The following ODF2L variants were observed in gnomAD, a reference collection of about 807,000 sequenced individuals.
The protein encoded by ODF2L is protein BCAP.
ODF2L carries 76 observed loss-of-function variants against 86.3 expected under a neutral mutation model. That is an observed-to-expected ratio of 0.88 (90% CI 0.73 to 1.07). ODF2L has a LOEUF of 1.07. Ranked by LOEUF, ODF2L falls within the 50% of genes least tolerant of loss-of-function variation. The pLI, the probability that ODF2L is intolerant of heterozygous loss-of-function variation, is 0.00. For synonymous variants in ODF2L, 241 were observed against 231.3 expected (o/e 1.04, Z -0.38); for missense variants, 748 against 717.4 (o/e 1.04, Z -0.49).
At chr1:86,359,519 CTTTT>C (rs5775904) in intron 12 of ODF2L, among the ~76,000 whole-genome samples, 3 of 95,112 alleles carry the variant, frequency 3.2e-5, no homozygotes, top group Non-Finnish European at 4.2e-5. Flanking sequence ...TTAGTTCATT[CTTTT>C]TTTTTTTTTT....
chr1:86,376,250 A>C (rs758521574), exon 8 of ODF2L: 1 of 1,608,134 alleles, frequency 6.2e-7, no homozygotes, highest in Non-Finnish European at 8.5e-7. Context: ...CTAATTTGGG[A>C]AGTAAGCTTT....
intron 8 of ODF2L, among the ~76,000 whole-genome samples, chr1:86,375,308 CT>C (rs960636710): frequency 6.6e-6 from 1 of 152,120 alleles, no homozygotes; most frequent in African/African-American, 2.4e-5. Flanking sequence ...AATATATTTT[CT>C]CATTTATCTC....
At chr1:86,347,845 G>C (rs1440717423), downstream of ODF2L, 1 of 152,108 alleles carries the variant, frequency 6.6e-6, no homozygotes, top group African/African-American at 2.4e-5. Context: ...AGAGTATCCT[G>C]CCTTGGCACA....
At chr1:86,370,587 C>T (rs1659723542) in intron 10 of ODF2L, among the ~76,000 whole-genome samples, 1 of 152,006 alleles carries the variant, frequency 6.6e-6, no homozygotes, top group African/African-American at 2.4e-5. Context: ...AATTCAAAAG[C>T]TTCTCCCCTG....
intron 16 of ODF2L, 66 bp from the exon 16 acceptor site, chr1:86,353,050 G>T: frequency 9.8e-7 from 1 of 1,015,412 alleles, no homozygotes; most frequent in East Asian, 2.5e-5. Flanking sequence ...AGCCTTGACA[G>T]TTATATTGTA....
At chr1:86,383,693 A>C (rs1660740380) in intron 4 of ODF2L, among the ~76,000 whole-genome samples, 1 of 151,766 alleles carries the variant, frequency 6.6e-6, no homozygotes, top group Non-Finnish European at 1.5e-5. Context: ...AAAGCTATCA[A>C]TTCTTTTCAC....
At chr1:86,352,179 A>C (rs2100702810) in exon 18 of ODF2L, 1 of 1,524,388 alleles carries the variant, frequency 6.6e-7, no homozygotes, top group South Asian at 1.3e-5. Flanking sequence ...TTGGGAATTA[A>C]AAAAATAGAT....
At chr1:86,386,878 C>A in intron 2 of ODF2L, 37 bp downstream of exon 2, 1 of 1,046,546 alleles carries the variant, frequency 9.6e-7, no homozygotes, top group South Asian at 1.4e-5. Flanking sequence ...ATCCTAGAAT[C>A]GGAAATTTAG....
intron 10 of ODF2L, among the ~76,000 whole-genome samples, chr1:86,369,280 G>A (rs1570389201): frequency 6.6e-6 from 1 of 152,090 alleles, no homozygotes; most frequent in Admixed American, 6.6e-5. Flanking sequence ...AAAAAAAATG[G>A]TATTAAGGTA....
At chr1:86,393,701 C>A (rs1427132106) in intron 1 of ODF2L, among the ~76,000 whole-genome samples, 1 of 152,126 alleles carries the variant, frequency 6.6e-6, no homozygotes, top group Non-Finnish European at 1.5e-5. Context: ...GAACTCTAAA[C>A]AAAAGTATTT....
chr1:86,382,971 G>T, exon 6 of ODF2L: 1 of 1,569,566 alleles, frequency 6.4e-7, no homozygotes, highest in Non-Finnish European at 8.8e-7. Flanking sequence ...TTGGATATGG[G>T]CCTCCTTTTC....
chr1:86,371,964 G>A (rs937960360), intron 9 of ODF2L, among the ~76,000 whole-genome samples: 1 of 152,038 alleles, frequency 6.6e-6, no homozygotes, highest in African/African-American at 2.4e-5. Flanking sequence ...GAGGCAGGCG[G>A]ATCACAAGGT....
intron 8 of ODF2L, among the ~76,000 whole-genome samples, chr1:86,375,418 C>T (rs150692472): frequency 1.4e-3 from 206 of 152,186 alleles, no homozygotes; most frequent in African/African-American, 4.3e-3. Flanking sequence ...ACAAGGTTAA[C>T]AAAATACTAC....
intron 13 of ODF2L, 121 bp from the exon 13 acceptor site, chr1:86,356,723 G>T: frequency 1.5e-6 from 1 of 670,122 alleles, no homozygotes; most frequent in Non-Finnish European, 2.3e-6. Flanking sequence ...CTTTAAATAA[G>T]AACACAACTG....
chr1:86,396,000 C>G (rs1661716810), intron 1 of ODF2L, 33 bp downstream of exon 1: 1 of 152,324 alleles, frequency 6.6e-6, no homozygotes, highest in African/African-American at 2.4e-5. Flanking sequence ...AGGCTCCCCA[C>G]AAAGTCGCCC....
chr1:86,385,816 C>A, intron 2 of ODF2L: 1 of 327,508 alleles, frequency 3.1e-6, no homozygotes, highest in Non-Finnish European at 5.6e-6. Flanking sequence ...TAAAGATGTA[C>A]GTATAGTTAA....
chr1:86,378,503 T>C (rs1660332520), intron 7 of ODF2L, among the ~76,000 whole-genome samples: 1 of 152,180 alleles, frequency 6.6e-6, no homozygotes, highest in Non-Finnish European at 1.5e-5. Flanking sequence ...ATTAGTCCAT[T>C]CTCACGCTGC....
chr1:86,394,807 G>A (rs1166673417), intron 1 of ODF2L, among the ~76,000 whole-genome samples: 3 of 150,406 alleles, frequency 2.0e-5, no homozygotes, highest in African/African-American at 7.3e-5. Context: ...AATTTCAAAA[G>A]CAGACAGGTT....
exon 18 of ODF2L, chr1:86,350,870 T>C (rs1658085762): frequency 6.6e-6 from 1 of 152,210 alleles, no homozygotes. Context: ...CTTTTTTTCA[T>C]ATGTTTTTTG....
Sources: gnomAD v4.1 joint callset for allele counts (sites outside exome capture counted in the v4.1 genomes callset) on GRCh38, gnomAD v4.1.1 for gene constraint, MANE v1.5 for transcripts, NCBI Gene and HGNC (gene_info 2026-07-23, HGNC 2026-07-21) for gene names.